KIAA1549L: variants seen among roughly 807,000 people sequenced by gnomAD.
KIAA1549L encodes KIAA1549 like.
Under a neutral mutation model 160.7 loss-of-function variants are expected in KIAA1549L, and 88 were observed. The ratio of observed to expected loss-of-function variants is 0.55; its 90% CI spans 0.46 to 0.65. The LOEUF is 0.65. Ranked by LOEUF, KIAA1549L falls within the 30% of genes least tolerant of loss-of-function variation. The probability of loss-of-function intolerance (pLI) is 0.00; values close to 1 mark genes in which losing one functional copy is unlikely to be tolerated. For synonymous variants in KIAA1549L, 950 were observed against 976.7 expected (o/e 0.97, Z 0.51); for missense variants, 2,258 against 2,437.5 (o/e 0.93, Z 1.55).
At chr11:33,467,107 T>C (rs1279710213) in intron 1 of KIAA1549L, among the ~76,000 whole-genome samples, 1 of 152,226 alleles carries the variant, frequency 6.6e-6, no homozygotes, top group Admixed American at 6.5e-5. Flanking sequence ...ACCCTAGAAC[T>C]TAAAGTATAA....
intron 1 of KIAA1549L, among the ~76,000 whole-genome samples, chr11:33,513,029 G>C (rs1853262200): frequency 1.3e-5 from 2 of 152,108 alleles, no homozygotes; most frequent in Admixed American, 1.3e-4. Context: ...CCTCTCCCTT[G>C]ATGATGTGGT....
At chr11:33,506,564 T>A (rs953094254) in intron 1 of KIAA1549L, among the ~76,000 whole-genome samples, 1 of 151,826 alleles carries the variant, frequency 6.6e-6, no homozygotes, top group Non-Finnish European at 1.5e-5. Flanking sequence ...TACAACAAAT[T>A]TTTTTAAATG....
intron 1 of KIAA1549L, among the ~76,000 whole-genome samples, chr11:33,503,122 C>G (rs775457336): frequency 4.0e-4 from 61 of 152,186 alleles, no homozygotes; most frequent in Non-Finnish European, 8.8e-5. Context: ...CCACCTTTTT[C>G]TGATCATTCA....
chr11:33,480,782 G>A (rs1360997214), intron 1 of KIAA1549L, among the ~76,000 whole-genome samples: 1 of 152,204 alleles, frequency 6.6e-6, no homozygotes, highest in Admixed American at 6.5e-5. Flanking sequence ...TCTGCAGTGA[G>A]ACTGCCACTG....
At chr11:33,535,645 C>T (rs947432677) in intron 1 of KIAA1549L, among the ~76,000 whole-genome samples, 1 of 130,820 alleles carries the variant, frequency 7.6e-6, no homozygotes, top group African/African-American at 3.0e-5. Context: ...GCAGTCTAGC[C>T]TGGGTGGCAG....
chr11:33,513,255 G>T (rs1379830168), intron 1 of KIAA1549L, among the ~76,000 whole-genome samples: 1 of 152,248 alleles, frequency 6.6e-6, no homozygotes, highest in African/African-American at 2.4e-5. Flanking sequence ...TGGTGGTAGA[G>T]AGTGGAGTCT....
At chr11:33,577,918 C>T (rs1855507719) in intron 10 of KIAA1549L, among the ~76,000 whole-genome samples, 1 of 152,212 alleles carries the variant, frequency 6.6e-6, no homozygotes, top group South Asian at 2.1e-4. Flanking sequence ...CTCTCTAACA[C>T]TTCTGTTCCG....
intron 1 of KIAA1549L, among the ~76,000 whole-genome samples, chr11:33,457,319 A>T (rs1468004919): frequency 6.6e-6 from 1 of 152,168 alleles, no homozygotes; most frequent in Non-Finnish European, 1.5e-5. Context: ...TTTCTTAGCA[A>T]GTCCTGGGGA....
intron 1 of KIAA1549L, among the ~76,000 whole-genome samples, chr11:33,435,460 T>C (rs2132928793): frequency 6.6e-6 from 1 of 152,184 alleles, no homozygotes; most frequent in East Asian, 1.9e-4. Context: ...AGTTACAGTC[T>C]CTGTAAATCA....
At chr11:33,562,915 A>G (rs1440815025) in intron 8 of KIAA1549L, among the ~76,000 whole-genome samples, 1 of 151,952 alleles carries the variant, frequency 6.6e-6, no homozygotes, top group Non-Finnish European at 1.5e-5. Flanking sequence ...TCCTGACCTC[A>G]GCCGATCTGC....
chr11:33,456,272 T>A (rs1300347996), intron 1 of KIAA1549L, among the ~76,000 whole-genome samples: 1 of 152,160 alleles, frequency 6.6e-6, no homozygotes, highest in Non-Finnish European at 1.5e-5. Flanking sequence ...GAGGCGGGTA[T>A]CATGGGAATG....
At chr11:33,587,267 G>T (rs1849911643) in intron 11 of KIAA1549L, among the ~76,000 whole-genome samples, 2 of 152,124 alleles carry the variant, frequency 1.3e-5, no homozygotes, top group Non-Finnish European at 2.9e-5. Flanking sequence ...TTTATAAAAC[G>T]AATTGAAGTA....
At chr11:33,516,491 A>C (rs2133115947) in intron 1 of KIAA1549L, among the ~76,000 whole-genome samples, 1 of 152,376 alleles carries the variant, frequency 6.6e-6, no homozygotes, top group Non-Finnish European at 1.5e-5. Context: ...TATCTGAGCG[A>C]GAAATCTGAG....
At chr11:33,598,782 A>G (rs1250965012) in intron 12 of KIAA1549L, 38 bp from the exon 13 acceptor site, 51 of 1,612,750 alleles carry the variant, frequency 3.2e-5, no homozygotes, top group Non-Finnish European at 4.2e-5. Flanking sequence ...GCTCTAGTTG[A>G]AACTTACCGT....
intron 1 of KIAA1549L, among the ~76,000 whole-genome samples, chr11:33,457,630 A>T (rs1299124894): frequency 6.6e-6 from 1 of 152,166 alleles, no homozygotes; most frequent in Non-Finnish European, 1.5e-5. Context: ...GATTACAGGG[A>T]ATCTATGCTC....
At chr11:33,667,398 CT>C (rs781207358) in intron 20 of KIAA1549L, among the ~76,000 whole-genome samples, 188 of 144,592 alleles carry the variant, frequency 1.3e-3, no homozygotes, top group African/African-American at 2.3e-3. Context: ...TCCAAATTAC[CT>C]TTTTTTTTTT....
intron 3 of KIAA1549L, among the ~76,000 whole-genome samples, chr11:33,547,147 T>G (rs1854292471): frequency 6.6e-6 from 1 of 152,258 alleles, no homozygotes; most frequent in Non-Finnish European, 1.5e-5. Flanking sequence ...AATCTCTTCC[T>G]CCTTGTCAGA....
chr11:33,549,255 G>A (rs186766090), intron 4 of KIAA1549L, among the ~76,000 whole-genome samples: 1 of 152,230 alleles, frequency 6.6e-6, no homozygotes, highest in East Asian at 1.9e-4. Flanking sequence ...ACAAATAAAA[G>A]GTGATGGTAA....
At chr11:33,493,019 A>T (rs1319739620) in intron 1 of KIAA1549L, among the ~76,000 whole-genome samples, 1 of 152,098 alleles carries the variant, frequency 6.6e-6, no homozygotes, top group Non-Finnish European at 1.5e-5. Flanking sequence ...AGGTAGAAAA[A>T]ACAGGATTCC....
Sources: allele counts gnomAD v4.1 joint callset (sites outside exome capture counted in the v4.1 genomes callset), GRCh38; gene constraint gnomAD v4.1.1; transcripts MANE v1.5; gene names NCBI Gene and HGNC (gene_info 2026-07-23, HGNC 2026-07-21).